DHX40: variants seen among roughly 807,000 people sequenced by gnomAD.
The protein encoded by DHX40 is probable ATP-dependent RNA helicase DHX40.
In DHX40, 28 loss-of-function variants were observed where a neutral mutation model predicts 89.6. The ratio of observed to expected loss-of-function variants is 0.31; its 90% CI spans 0.23 to 0.43. DHX40 has a LOEUF of 0.43. Ranked by LOEUF, DHX40 falls within the 20% of genes least tolerant of loss-of-function variation. The pLI is 1.00. For synonymous variants in DHX40, 226 were observed against 283.6 expected, an observed-to-expected ratio of 0.80 and a Z score of 2.04; for missense variants, 457 against 844.0, an observed-to-expected ratio of 0.54 and a Z score of 5.68.
intron 12 of DHX40, among the ~76,000 whole-genome samples, chr17:59,589,095 G>A (rs1350572179): frequency 6.6e-6 from 1 of 151,682 alleles, no homozygotes; most frequent in Non-Finnish European, 1.5e-5. Context: ...GAGCTTTATA[G>A]TAACTCTTGA....
At chr17:59,589,246 G>A (rs2049045856) in intron 12 of DHX40, among the ~76,000 whole-genome samples, 1 of 124,316 alleles carries the variant, frequency 8.0e-6, no homozygotes. Flanking sequence ...TTTTGAGATG[G>A]AGTCTTGCTC....
chr17:59,566,212 C>T (rs534652272), intron 1 of DHX40, among the ~76,000 whole-genome samples: 1 of 152,244 alleles, frequency 6.6e-6, no homozygotes, highest in Non-Finnish European at 1.5e-5. Flanking sequence ...GAACAGGGAC[C>T]TAACTTGAAC....
intron 12 of DHX40, among the ~76,000 whole-genome samples, chr17:59,588,368 C>T (rs1452545213): frequency 6.6e-6 from 1 of 151,118 alleles, no homozygotes; most frequent in Non-Finnish European, 1.5e-5. Flanking sequence ...CTATTAACAT[C>T]TTTGATTTGT....
intron 4 of DHX40, among the ~76,000 whole-genome samples, chr17:59,573,523 A>G (rs1455535705): frequency 6.6e-6 from 1 of 152,114 alleles, no homozygotes; most frequent in Non-Finnish European, 1.5e-5. Context: ...TTGTAGAGAC[A>G]GTGTCTCGTT....
chr17:59,577,009 A>G (rs2048892789), intron 7 of DHX40: 2 of 414,820 alleles, frequency 4.8e-6, no homozygotes, highest in African/African-American at 4.1e-5. Flanking sequence ...AGCTGGGACT[A>G]CAGGGGCGCG....
chr17:59,568,036 C>T (rs1395547456), intron 2 of DHX40, among the ~76,000 whole-genome samples: 1 of 151,948 alleles, frequency 6.6e-6, no homozygotes, highest in Non-Finnish European at 1.5e-5. Flanking sequence ...AGTTCGAGAC[C>T]AGCCTGGCCA....
chr17:59,588,634 G>C (rs972493516), intron 12 of DHX40, among the ~76,000 whole-genome samples: 5 of 146,880 alleles, frequency 3.4e-5, no homozygotes, highest in African/African-American at 1.1e-4. Flanking sequence ...GCCCAGCCGG[G>C]TTGTTTTCTT....
chr17:59,596,966 T>C (rs2143333097), intron 12 of DHX40, among the ~76,000 whole-genome samples: 1 of 146,890 alleles, frequency 6.8e-6, no homozygotes, highest in South Asian at 2.3e-4. Flanking sequence ...ACGTGTTAGA[T>C]TGAAGGAAAG....
At chr17:59,592,655 G>T (rs1366407952) in intron 12 of DHX40, among the ~76,000 whole-genome samples, 2 of 139,628 alleles carry the variant, frequency 1.4e-5, no homozygotes, top group African/African-American at 5.5e-5. Flanking sequence ...TCGGCTCACT[G>T]CAACCTTCAC....
chr17:59,594,293 A>C (rs2049121231), intron 12 of DHX40, among the ~76,000 whole-genome samples: 1 of 152,170 alleles, frequency 6.6e-6, no homozygotes. Flanking sequence ...GACAGTGCCC[A>C]GAGCATAAAT....
Position 59,566,610 on chromosome 17 carries a change from T to C in DHX40, c.113-17T>C. ...CTTTACAAGTCTTTTAATTGACTTG[T>C]TTTTCTGTTATTACAGAAGAGAAAG... is the stretch of plus-strand genomic sequence containing the variant. On this transcript the variant is annotated splice_polypyrimidine_tract_variant and intron_variant, in intron 1 of 17. Transcript: ENST00000251241. 1 of 1,565,060 alleles carries C rather than the reference T, an allele frequency of 6.4e-7. No homozygotes were observed. Among genetic ancestry groups the C allele is most frequent in the Non-Finnish European group, 8.6e-7 (1 of 1,164,790 alleles).
In DHX40 at chr17:59,592,603, A is replaced by T. The variant is rs576662298; in HGVS notation, c.1582+4550A>T. ...AATTTTTTTTTTTCTTTTGAGACAG[A>T]GTCTTGCTCTGTCATCCAGGGTGGA... On this transcript the variant is annotated intron_variant, in intron 12 of 17. Coordinates refer to ENST00000251241, the MANE Select transcript of DHX40 (RefSeq NM_024612.5). 4.0e-5 allele frequency among the ~76,000 whole-genome samples: 6 copies of T among 148,902 alleles called. No individual in the cohort carries two copies. In the South Asian group the frequency reaches 1.1e-3, roughly 27 times the overall value.
intron 10 of DHX40, among the ~76,000 whole-genome samples, chr17:59,580,945 G>A (rs1449969172): frequency 6.6e-6 from 1 of 150,646 alleles, no homozygotes; most frequent in Non-Finnish European, 1.5e-5. Flanking sequence ...AGCTGAGCTT[G>A]GTGGCACGTG....
rs200066612 is a variant in DHX40 at position 59,599,439 on chromosome 17, C to G, written c.1762C>G (p.Arg588Gly). 24 of 1,607,304 alleles carry G rather than the reference C, an allele frequency of 1.5e-5. No individual in the cohort carries two copies. The South Asian group carries it at 2.7e-4, about 18-fold the overall frequency. Residue 588 changes from arginine (R) to glycine (G), a missense_variant, in exon 14 of 18, where the codon CGT becomes GGT. Arg to Gly is a moderately radical substitution (Grantham distance 125). This residue lies in a region of DHX40 where 6 missense variants were observed against 77.3 expected (regional missense o/e 0.08). Transcript: ENST00000251241. ...IHWRCLFSAFRVEAQLRELIR... is the reference protein window; with the variant it reads ...IHWRCLFSAFGVEAQLRELIR... ...TTGGAGGTGCTTATTTTCTGCATTT[C>G]GTGTGGAAGCTCAACTTCGAGAACT...
At chr17:59,570,084 A>G (rs1040823675) in intron 2 of DHX40, among the ~76,000 whole-genome samples, 10 of 131,708 alleles carry the variant, frequency 7.6e-5, no homozygotes, top group African/African-American at 2.3e-4. Flanking sequence ...GTATATTTAT[A>G]TATAATATAT....
chr17:59,597,859 C>T (rs979326215), intron 12 of DHX40, among the ~76,000 whole-genome samples: 14 of 144,382 alleles, frequency 9.7e-5, no homozygotes, highest in East Asian at 4.7e-4. Flanking sequence ...GGTGTGAACC[C>T]GGGAGGCGGA....
Position 59,607,891 on chromosome 17 carries a change from T to TTATA in DHX40, c.*719_*720insTATA, listed in dbSNP as rs1567908243. The stretch of plus-strand genomic sequence containing the variant: ...AAAGGACAGATGATATATATATATA[T>TTATA]GATATATATATATATATAAGTTCTT... On this transcript the variant is annotated 3_prime_UTR_variant, in exon 18 of 18. Transcript: ENST00000251241. The TTATA allele has an allele frequency of 1.5e-4, 23 of 150,100 alleles. No homozygotes were observed. The highest frequency in any genetic ancestry group is 4.6e-4 in the African/African-American group (19 of 41,056). The allele number at this position is 150,100 out of a possible 1,614,324, so 9.3% of individuals were successfully genotyped here. A position where few individuals can be genotyped will look rare whatever the true frequency, so the allele number is the denominator to read the frequency against.
intron 15 of DHX40, chr17:59,603,605 A>G (rs921157724): frequency 2.0e-5 from 3 of 152,230 alleles, no homozygotes; most frequent in Non-Finnish European, 4.4e-5. Flanking sequence ...GTAGCGGATT[A>G]TTATGCACTT....
At chr17:59,581,025 C>T (rs565694723) in intron 10 of DHX40, among the ~76,000 whole-genome samples, 8,544 of 149,090 alleles carry the variant, frequency 0.057, 709 homozygotes, top group African/African-American at 0.21. Flanking sequence ...GAGACTGCAA[C>T]GTGCCAAGAT....
Sources: allele counts gnomAD v4.1 joint callset (sites outside exome capture counted in the v4.1 genomes callset), GRCh38; gene constraint gnomAD v4.1.1; regional missense constraint gnomAD v4.1.1; transcripts MANE v1.5; gene names NCBI Gene and HGNC (gene_info 2026-07-23, HGNC 2026-07-21).